Variants in TIPIN observed in about 807,000 individuals in gnomAD.
TIPIN encodes TIMELESS interacting protein, also known as TIMELESS-interacting protein.
Under a neutral mutation model 35.6 loss-of-function variants are expected in TIPIN, and 29 were observed. The observed-to-expected ratio is 0.82, with a 90% CI of 0.61 to 1.11. TIPIN has a LOEUF of 1.11. Ranked by LOEUF, TIPIN falls within the 50% of genes most tolerant of loss-of-function variation. The pLI is 0.00. For synonymous variants in TIPIN, 102 were observed against 121.5 expected (o/e 0.84, Z 1.06); for missense variants, 296 against 345.4 (o/e 0.86, Z 1.13).
Position 66,351,515 on chromosome 15 carries a change from C to G in TIPIN, c.288+10G>C. On this transcript the variant is annotated intron_variant, in intron 4 of 7. Coordinates refer to ENST00000261881, the MANE Select transcript of TIPIN (RefSeq NM_017858.3). ...AAAAACAAAGGTCTAACATAAAAAT[C>G]AGTTCTTACCTCATGACCTTTACCT... 6.2e-7 allele frequency: 1 copy of G among 1,604,428 alleles called. No homozygotes were observed.
chr15:66,337,094 T>G lies in TIPIN; in HGVS notation c.770A>C (p.Glu257Ala). Residue 257 changes from glutamate to alanine, a missense_variant, in exon 8 of 8, where the codon GAA (glutamate) becomes GCA (alanine). Coordinates refer to ENST00000261881, the MANE Select transcript of TIPIN (RefSeq NM_017858.3). ...ATTACATGGATTGTCCAGAATGTCT[T>G]CGTTTAATCCATTTGACTCCTCCTT... ...DQKEESNGLNEDILDNPCNDA... is the reference protein window; with the variant it reads ...DQKEESNGLNADILDNPCNDA... 1 of 1,614,148 alleles carries G rather than the reference T, an allele frequency of 6.2e-7. No individual in the cohort carries two copies. Among genetic ancestry groups the G allele is most frequent in the Non-Finnish European group, 8.5e-7 (1 of 1,180,022 alleles).
At chr15:66,357,109 T>C (rs28605875), upstream of TIPIN, among the ~76,000 whole-genome samples, 1 of 152,002 alleles carries the variant, frequency 6.6e-6, no homozygotes, top group Non-Finnish European at 1.5e-5. Flanking sequence ...TTTGTTTGTT[T>C]TGCAAAGACG....
rs1288489100 is a variant in TIPIN at position 66,371,391 on chromosome 15, A to AT, written c.-9+15215dup. 8 of 984,614 alleles carry AT rather than the reference A, an allele frequency of 8.1e-6. No homozygotes were observed. The South Asian group carries it at 2.3e-4, about 29-fold the overall frequency. 61.0% of individuals were successfully genotyped at this position (984,614 alleles called of 1,614,324 possible). A position where few individuals can be genotyped will look rare whatever the true frequency, so the allele number is the denominator to read the frequency against. ...TTTTAATGTGAGAAAGGCCTATATC[A>AT]TTTTTTTCAACCTAAAAAGCAAAAG... On this transcript the variant is annotated intron_variant, in intron 1 of 7. Coordinates refer to the TIPIN transcript ENST00000562124.
intron 1 of TIPIN, among the ~76,000 whole-genome samples, chr15:66,366,155 A>G (rs1206085115): frequency 1.3e-5 from 2 of 149,998 alleles, no homozygotes; most frequent in Non-Finnish European, 3.0e-5. Flanking sequence ...GTCCCTCCCA[A>G]AAAAAAAAAC....
chr15:66,350,924 GCA>G (rs2093163408), intron 4 of TIPIN, among the ~76,000 whole-genome samples: 1 of 110,948 alleles, frequency 9.0e-6, no homozygotes. Flanking sequence ...AACAGAGCAA[GCA>G]AGACTCCGTC....
Position 66,352,869 on chromosome 15 carries a change from G to T in TIPIN, c.79C>A (p.Pro27Thr). ...HVEDETFPPFPPPASPERQDG... is the reference protein window; with the variant it reads ...HVEDETFPPFTPPASPERQDG... Reference sequence around the variant, plus strand: ...TGTCTCTCTGGAGAGGCTGGAGGTGGGAAAGGAGGAAAAGTTTCATCTTCT... The same window carrying T: ...TGTCTCTCTGGAGAGGCTGGAGGTGTGAAAGGAGGAAAAGTTTCATCTTCT... Residue 27 changes from proline (P) to threonine (T), a missense_variant, in exon 2 of 8, where the codon CCA becomes ACA. Transcript: ENST00000261881. The T allele has an allele frequency of 6.2e-7, 1 of 1,613,912 alleles. No homozygotes were observed. Among genetic ancestry groups the T allele is most frequent in the Non-Finnish European group, 8.5e-7 (1 of 1,180,014 alleles).
rs942691929 is a variant in TIPIN at position 66,351,502 on chromosome 15, C to A, written c.288+23G>T. 55 of 1,578,234 alleles carry A rather than the reference C, an allele frequency of 3.5e-5. No homozygotes were observed. The South Asian group carries it at 5.5e-4, about 16-fold the overall frequency. On this transcript the variant is annotated intron_variant, in intron 4 of 7. Coordinates refer to ENST00000261881, the MANE Select transcript of TIPIN (RefSeq NM_017858.3). ...TATTGCTATTTTAAAAAACAAAGGT[C>A]TAACATAAAAATCAGTTCTTACCTC...
chr15:66,378,655 T>TA (rs933948645), intron 1 of TIPIN, among the ~76,000 whole-genome samples: 86 of 147,444 alleles, frequency 5.8e-4, no homozygotes, highest in Middle Eastern at 3.5e-3. Context: ...CATTCCAAAA[T>TA]AAAAAAAAAA....
chr15:66,354,424 T>C (rs1344756877), intron 1 of TIPIN, among the ~76,000 whole-genome samples: 2 of 152,194 alleles, frequency 1.3e-5, no homozygotes, highest in African/African-American at 2.4e-5. Context: ...CTTGAATCTG[T>C]CTATTTCTCC....
At chr15:66,372,723 G>A (rs2093282020) in intron 1 of TIPIN, among the ~76,000 whole-genome samples, 1 of 152,092 alleles carries the variant, frequency 6.6e-6, no homozygotes, top group Admixed American at 6.6e-5. Flanking sequence ...GGCCAACATG[G>A]TGAACTCTGT....
At chr15:66,349,267 C>G in intron 5 of TIPIN, 48 bp downstream of exon 5, 1 of 1,607,818 alleles carries the variant, frequency 6.2e-7, no homozygotes. Context: ...CTAAATCTAC[C>G]CTACCATTTA....
chr15:66,338,195 G>A (rs1310510146), intron 7 of TIPIN, among the ~76,000 whole-genome samples: 1 of 150,994 alleles, frequency 6.6e-6, no homozygotes, highest in Non-Finnish European at 1.5e-5. Flanking sequence ...GGCGGAGGTT[G>A]CAGTGGGCCG....
chr15:66,361,962 G>C (rs2093233354), intron 1 of TIPIN, among the ~76,000 whole-genome samples: 1 of 148,392 alleles, frequency 6.7e-6, no homozygotes, highest in South Asian at 2.1e-4. Flanking sequence ...CTGGGCAACA[G>C]AGCCAGACCC....
rs540554615 is a variant in TIPIN, at chr15:66,381,832, G to A, written c.-9+4775C>T. Among the ~76,000 whole-genome samples the A allele has an allele frequency of 3.3e-5, 5 of 152,356 alleles. No homozygotes were observed. In the East Asian group the frequency reaches 5.8e-4, roughly 18 times the overall value. ...TAATCCCACCACTTTGGGAGGCCGAGGTGGGTGGATCACCTCAGGTCAGGA... is the reference window on the plus strand; with the variant it reads ...TAATCCCACCACTTTGGGAGGCCGAAGTGGGTGGATCACCTCAGGTCAGGA... On this transcript the variant is annotated intron_variant, in intron 1 of 7. Transcript: ENST00000562124.
At chr15:66,346,371 G>A (rs762152967) in intron 6 of TIPIN, among the ~76,000 whole-genome samples, 3 of 148,802 alleles carry the variant, frequency 2.0e-5, no homozygotes, top group Non-Finnish European at 4.4e-5. Context: ...GACCTCTACT[G>A]TTCATTCAAA....
At chr15:66,356,736 A>G, upstream of TIPIN, 1 of 985,384 alleles carries the variant, frequency 1.0e-6, no homozygotes, top group South Asian at 4.7e-5. Flanking sequence ...AAGGGCCCGC[A>G]GCGTTTGGCG....
In TIPIN at chr15:66,366,707, C is replaced by T. The variant is rs543230531; in HGVS notation, c.-8-13752G>A. ...GCTTGAACCCAGGAGGCGGAGGTTG[C>T]AGTCAGCTGAGAATGCACCATTGCA... On this transcript the variant is annotated intron_variant, in intron 1 of 7. Transcript: ENST00000562124. The T allele has an allele frequency of 4.5e-4, 238 of 527,286 alleles. 1 individual carries two copies. In the African/African-American group the frequency reaches 5.3e-3, roughly 12 times the overall value. The allele number at this position is 527,286 out of a possible 1,614,324, so 32.7% of individuals were successfully genotyped here.
Position 66,352,811 on chromosome 15 carries a change from A to T in TIPIN, c.133+4T>A, listed in dbSNP as rs929540903. ...GCCTCCTTTTTAAAACTCTCTATAC[A>T]TACCTTCATCAGGCTCAGTTCCTTC... On this transcript the variant is annotated splice_donor_region_variant and intron_variant, in intron 2 of 7. Transcript: ENST00000261881. The T allele has an allele frequency of 6.2e-7, 1 of 1,610,910 alleles. No individual in the cohort carries two copies. Among genetic ancestry groups the T allele is most frequent in the Non-Finnish European group, 8.5e-7 (1 of 1,179,336 alleles).
At chr15:66,344,937 C>T (rs376964812) in intron 6 of TIPIN, among the ~76,000 whole-genome samples, 7 of 152,212 alleles carry the variant, frequency 4.6e-5, no homozygotes, top group Admixed American at 2.0e-4. Context: ...TTTACTGCAA[C>T]ATTCATTGGC....
Sources: gnomAD v4.1 joint callset for allele counts (sites outside exome capture counted in the v4.1 genomes callset) on GRCh38, gnomAD v4.1.1 for gene constraint, MANE v1.5 for transcripts, NCBI Gene and HGNC (gene_info 2026-07-23, HGNC 2026-07-21) for gene names.